The following HNRNPM variants were observed in gnomAD, a reference collection of about 807,000 sequenced individuals.
HNRNPM encodes the protein CEA receptor.
A neutral mutation model predicts 73.1 loss-of-function variants in HNRNPM; 11 were observed. The observed-to-expected ratio is 0.15, with a 90% confidence interval of 0.09 to 0.25. The LOEUF is 0.25. HNRNPM is among the 10% of genes least tolerant of loss of function. The pLI, the probability that HNRNPM is intolerant of heterozygous loss-of-function variation, is 1.00. For missense variants in HNRNPM, 789 were observed against 1,067.9 expected, an observed-to-expected ratio of 0.74 and a Z score of 3.64; for synonymous variants, 407 against 355.2, an observed-to-expected ratio of 1.15 and a Z score of -1.64.
chr19:8,476,490 G>A (rs1312059252), intron 12 of HNRNPM, among the ~76,000 whole-genome samples: 1 of 151,870 alleles, frequency 6.6e-6, no homozygotes, highest in Non-Finnish European at 1.5e-5. Context: ...CTATAAAAAT[G>A]TAAATCAAAA....
intron 2 of HNRNPM, among the ~76,000 whole-genome samples, chr19:8,461,559 T>C (rs983199274): frequency 6.6e-6 from 1 of 152,204 alleles, no homozygotes; most frequent in South Asian, 2.1e-4. Context: ...TCTTGATGGA[T>C]TCTAACATCT....
At chr19:8,466,749 C>T (rs1000286777) in intron 7 of HNRNPM, among the ~76,000 whole-genome samples, 2 of 136,192 alleles carry the variant, frequency 1.5e-5, no homozygotes, top group East Asian at 2.6e-4. Context: ...TCGCTTGAAC[C>T]CGGGAGGTGG....
chr19:8,455,620 T>C (rs764756394), intron 2 of HNRNPM, 46 bp downstream of exon 2: 3 of 1,508,842 alleles, frequency 2.0e-6, no homozygotes, highest in Non-Finnish European at 2.7e-6. Flanking sequence ...TGGTGTGTCA[T>C]CTTTTCTGTG....
At chr19:8,449,141 C>G (rs186616621) in intron 1 of HNRNPM, among the ~76,000 whole-genome samples, 3 of 152,210 alleles carry the variant, frequency 2.0e-5, no homozygotes, top group Non-Finnish European at 2.9e-5. Context: ...TTTGGAGACA[C>G]GTCAGATTGT....
intron 2 of HNRNPM, among the ~76,000 whole-genome samples, chr19:8,456,636 T>C (rs1969047097): frequency 6.6e-6 from 1 of 152,226 alleles, no homozygotes; most frequent in South Asian, 2.1e-4. Context: ...CATTTTGGTA[T>C]GTGTACTGGT....
At position 8,486,259 on chromosome 19, in the gene HNRNPM, A is replaced by T. The variant is rs749353210; in HGVS notation, c.1831A>T (p.Met611Leu). Reference sequence around the variant, plus strand: ...TGGCATTGAGCGCATGGGCCTGGCCATGGGTGGCGGTGGCGGTGCCAGCTT... The same window carrying T: ...TGGCATTGAGCGCATGGGCCTGGCCTTGGGTGGCGGTGGCGGTGCCAGCTT... ...GAGIERMGLA[M>L]GGGGGASFDR... Residue 611 changes from methionine (M) to leucine (L), a missense_variant, in exon 14 of 16, where the codon ATG becomes TTG. Met to Leu is a conservative substitution (Grantham distance 15, BLOSUM62 2). This residue lies in a region of HNRNPM where 604 missense variants were observed against 744.0 expected (regional missense o/e 0.81). Coordinates refer to ENST00000325495, the MANE Select transcript of HNRNPM (RefSeq NM_005968.5). 3 of 1,602,826 alleles carry T rather than the reference A, an allele frequency of 1.9e-6. No individual in the cohort carries two copies. The East Asian group carries it at 6.7e-5, about 36-fold the overall frequency.
chr19:8,458,237 A>G (rs1969158703), intron 2 of HNRNPM, among the ~76,000 whole-genome samples: 3 of 152,232 alleles, frequency 2.0e-5, no homozygotes. Flanking sequence ...AGCATTTAGC[A>G]GCATTCTAGC....
intron 12 of HNRNPM, chr19:8,482,943 C>T: frequency 1.9e-6 from 1 of 537,242 alleles, no homozygotes. Context: ...GCCTCAGACT[C>T]TGGAGCTACG....
intron 1 of HNRNPM, among the ~76,000 whole-genome samples, chr19:8,448,439 A>G (rs1212082735): frequency 6.6e-6 from 1 of 151,916 alleles, no homozygotes; most frequent in Non-Finnish European, 1.5e-5. Flanking sequence ...TCATATATAA[A>G]ATAAATGACT....
At chr19:8,486,517 C>G in intron 14 of HNRNPM, 112 bp downstream of exon 14, 2 of 858,332 alleles carry the variant, frequency 2.3e-6, no homozygotes, top group Non-Finnish European at 3.5e-6. Context: ...ACCACACCTC[C>G]TTGCCACTGT....
chr19:8,456,031 G>A (rs1262248424), intron 2 of HNRNPM, among the ~76,000 whole-genome samples: 3 of 150,300 alleles, frequency 2.0e-5, no homozygotes, highest in African/African-American at 7.3e-5. Context: ...ATCAAAATGT[G>A]GTAGCTGGAC....
chr19:8,460,978 A>C (rs569146409), intron 2 of HNRNPM, among the ~76,000 whole-genome samples: 2 of 152,306 alleles, frequency 1.3e-5, no homozygotes, highest in South Asian at 4.1e-4. Context: ...TTAAGGGTTA[A>C]ATAAAGCCGC....
In HNRNPM at chr19:8,445,873, C is replaced by A. The variant is rs931985419; in HGVS notation, c.113+762C>A. Among the ~76,000 whole-genome samples the A allele has an allele frequency of 2.6e-5, 4 of 152,358 alleles. 1 individual carries two copies. In the South Asian group the frequency reaches 6.2e-4, roughly 24 times the overall value. On this transcript the variant is annotated intron_variant, in intron 1 of 15. Transcript: ENST00000325495. ...GTCGGGGGAGGAATCCCCTTTTTCC[C>A]GTGTTTCGGGGAAGCTGTTCTGTCA...
intron 2 of HNRNPM, among the ~76,000 whole-genome samples, chr19:8,460,042 G>T (rs1184275951): frequency 6.6e-6 from 1 of 152,070 alleles, no homozygotes; most frequent in Non-Finnish European, 1.5e-5. Flanking sequence ...ATTAATAACT[G>T]TGAGTGCCGT....
intron 13 of HNRNPM, among the ~76,000 whole-genome samples, chr19:8,484,538 G>T (rs756863733): frequency 6.6e-6 from 1 of 152,198 alleles, no homozygotes; most frequent in Non-Finnish European, 1.5e-5. Flanking sequence ...TATACTGTGG[G>T]GAAGTTCTGA....
At chr19:8,448,274 T>A (rs1968354078) in intron 1 of HNRNPM, among the ~76,000 whole-genome samples, 1 of 152,166 alleles carries the variant, frequency 6.6e-6, no homozygotes, top group Non-Finnish European at 1.5e-5. Flanking sequence ...TTGCAGTTAC[T>A]TCTCTCCTGG....
chr19:8,486,900 T>G, intron 14 of HNRNPM, 124 bp from the exon 15 acceptor site: 1 of 802,408 alleles, frequency 1.2e-6, no homozygotes, highest in Non-Finnish European at 2.2e-6. Flanking sequence ...ATCGCCTCAG[T>G]CTGAAGGGCA....
intron 15 of HNRNPM, 43 bp from the exon 16 acceptor site, chr19:8,488,648 A>G (rs377679299): frequency 2.7e-5 from 43 of 1,575,890 alleles, no homozygotes; most frequent in African/African-American, 1.8e-4. Flanking sequence ...AAATCTAACA[A>G]AATCGGGACT....
chr19:8,450,670 G>T (rs1599745149), intron 1 of HNRNPM, among the ~76,000 whole-genome samples: 2 of 151,606 alleles, frequency 1.3e-5, no homozygotes, highest in South Asian at 4.2e-4. Flanking sequence ...CCAAAGTGCT[G>T]GGATTACAGG....
Sources: allele counts gnomAD v4.1 joint callset (sites outside exome capture counted in the v4.1 genomes callset), GRCh38; gene constraint gnomAD v4.1.1; regional missense constraint gnomAD v4.1.1; transcripts MANE v1.5; gene names NCBI Gene and HGNC (gene_info 2026-07-23, HGNC 2026-07-21).